The following SYN3 variants were observed in gnomAD, a reference collection of about 807,000 sequenced individuals.
SYN3 encodes the protein synapsin-3.
Under a neutral mutation model 65.8 loss-of-function variants are expected in SYN3, and 35 were observed. The ratio of observed to expected loss-of-function variants is 0.53; its 90% CI spans 0.41 to 0.70. SYN3 has a LOEUF of 0.70. SYN3 is among the 30% of genes least tolerant of loss of function. The probability of loss-of-function intolerance (pLI) is 0.00; values close to 1 mark genes in which losing one functional copy is unlikely to be tolerated. For synonymous variants in SYN3, 270 were observed against 292.9 expected (o/e 0.92, Z 0.80); for missense variants, 680 against 749.0 (o/e 0.91, Z 1.08).
intron 6 of SYN3, among the ~76,000 whole-genome samples, chr22:32,667,705 G>A (rs907983997): frequency 1.3e-4 from 19 of 151,994 alleles, no homozygotes; most frequent in African/African-American, 3.1e-4. Context: ...TCTGCATTTC[G>A]CTTAGGTTTT....
intron 6 of SYN3, among the ~76,000 whole-genome samples, chr22:32,644,099 A>AAAAG (rs1569118841): frequency 4.7e-5 from 1 of 21,274 alleles, no homozygotes; most frequent in African/African-American, 1.8e-4. Context: ...AAAAAAAAAA[A>AAAAG]AAAGCGACAA....
intron 7 of SYN3, among the ~76,000 whole-genome samples, chr22:32,578,701 A>G (rs910005642): frequency 2.6e-5 from 4 of 152,268 alleles, no homozygotes; most frequent in African/African-American, 4.8e-5. Context: ...TGTAAAACTT[A>G]TCTTGGTCAA....
chr22:32,741,351 T>C (rs1056395887), intron 6 of SYN3, among the ~76,000 whole-genome samples: 1 of 136,426 alleles, frequency 7.3e-6, no homozygotes, highest in Non-Finnish European at 1.6e-5. Flanking sequence ...AGCCCAATTT[T>C]TTTTTTTTTT....
In SYN3 at chr22:32,976,451, A is replaced by G. The variant is rs1287911947; in HGVS notation, c.369+4194T>C. Among the ~76,000 whole-genome samples, 7 of 152,202 alleles carry G rather than the reference A, an allele frequency of 4.6e-5. No individual in the cohort carries two copies. The East Asian group carries it at 1.3e-3, about 29-fold the overall frequency. ...TAGAGACTGAGGCTCTACCCTAGCA[A>G]GTCCTAGTCCACTGATGTCCCAGAA... On this transcript the variant is annotated intron_variant, in intron 3 of 13. Coordinates refer to ENST00000358763, the MANE Select transcript of SYN3 (RefSeq NM_003490.4).
chr22:33,025,436 A>G (rs2053626230), intron 1 of SYN3, among the ~76,000 whole-genome samples: 1 of 100,318 alleles, frequency 1.0e-5, no homozygotes, highest in Non-Finnish European at 1.9e-5. Context: ...TCCGTCTCAA[A>G]AAAAAAAAAA....
At chr22:32,902,703 T>C (rs112536121) in intron 4 of SYN3, among the ~76,000 whole-genome samples, 2 of 152,232 alleles carry the variant, frequency 1.3e-5, no homozygotes, top group African/African-American at 4.8e-5. Flanking sequence ...GGCAGGTTCA[T>C]GGGACTAGGT....
intron 6 of SYN3, among the ~76,000 whole-genome samples, chr22:32,754,068 T>G (rs2045221696): frequency 6.6e-6 from 1 of 152,212 alleles, no homozygotes; most frequent in African/African-American, 2.4e-5. Context: ...GGTCCACACC[T>G]CTGGGCCTTT....
chr22:32,642,204 G>A (rs1483674179), intron 6 of SYN3, among the ~76,000 whole-genome samples: 2 of 151,500 alleles, frequency 1.3e-5, no homozygotes, highest in African/African-American at 2.4e-5. Context: ...CAGGAGAATC[G>A]CTTGAACCTG....
In SYN3 at chr22:32,761,025, G is replaced by A. The variant is rs910345603; in HGVS notation, c.711+103890C>T. Among the ~76,000 whole-genome samples, 22 of 152,124 alleles carry A rather than the reference G, an allele frequency of 1.4e-4. 1 individual carries two copies. The highest frequency in any genetic ancestry group is 3.1e-4 in the African/African-American group (13 of 41,422). ...GTTCCCTCTAGCAGGGGGAGCTCCCGGGGTACACGGTGTCCCAGCCAGCTC... is the reference window on the plus strand; with the variant it reads ...GTTCCCTCTAGCAGGGGGAGCTCCCAGGGTACACGGTGTCCCAGCCAGCTC... On this transcript the variant is annotated intron_variant, in intron 6 of 13. Transcript: ENST00000358763.
Position 32,838,260 on chromosome 22 carries a change from G to T in SYN3, c.711+26655C>A, listed in dbSNP as rs1009548347. ...TCAAGTGGACTTGAGGAGAAGGAGGGGGGGTGGCAAAATAAAACAAACAAT... is the reference window on the plus strand; with the variant it reads ...TCAAGTGGACTTGAGGAGAAGGAGGTGGGGTGGCAAAATAAAACAAACAAT... On this transcript the variant is annotated intron_variant, in intron 6 of 13. Coordinates refer to ENST00000358763, the MANE Select transcript of SYN3 (RefSeq NM_003490.4). Among the ~76,000 whole-genome samples the T allele has an allele frequency of 3.9e-4, 59 of 152,300 alleles. 1 individual carries two copies. The highest frequency in any genetic ancestry group is 1.4e-3 in the African/African-American group (57 of 41,558).
At chr22:32,586,289 G>A (rs1172560283) in intron 7 of SYN3, among the ~76,000 whole-genome samples, 3 of 152,138 alleles carry the variant, frequency 2.0e-5, no homozygotes, top group East Asian at 1.9e-4. Context: ...GAAATACAGA[G>A]TTAAGTTCCT....
chr22:32,804,677 G>A (rs1280479841), intron 6 of SYN3, among the ~76,000 whole-genome samples: 1 of 152,152 alleles, frequency 6.6e-6, no homozygotes, highest in Non-Finnish European at 1.5e-5. Context: ...AAGTCCTAGG[G>A]CCTGGCATGG....
intron 7 of SYN3, among the ~76,000 whole-genome samples, chr22:32,596,344 G>C (rs564845229): frequency 2.6e-5 from 4 of 152,192 alleles, no homozygotes; most frequent in African/African-American, 9.6e-5. Context: ...CATGGCTGTG[G>C]AGATGATGAC....
At chr22:32,967,652 G>A (rs911259348) in intron 3 of SYN3, among the ~76,000 whole-genome samples, 1 of 152,230 alleles carries the variant, frequency 6.6e-6, no homozygotes, top group Non-Finnish European at 1.5e-5. Flanking sequence ...CCTGCTGTGA[G>A]TTCAGAAGTC....
intron 6 of SYN3, among the ~76,000 whole-genome samples, chr22:32,759,291 G>A (rs146150565): frequency 2.6e-5 from 4 of 152,054 alleles, no homozygotes; most frequent in African/African-American, 4.8e-5. Context: ...TTAATCTTCC[G>A]GAACTGTCAA....
At chr22:32,977,908 A>C (rs1394568600) in intron 3 of SYN3, among the ~76,000 whole-genome samples, 1 of 152,092 alleles carries the variant, frequency 6.6e-6, no homozygotes, top group African/African-American at 2.4e-5. Context: ...CATAGTCTCC[A>C]CCCTCATGCA....
chr22:32,900,626 A>G (rs2049731692), intron 4 of SYN3, among the ~76,000 whole-genome samples: 1 of 145,316 alleles, frequency 6.9e-6, no homozygotes, highest in Non-Finnish European at 1.6e-5. Context: ...CGGCTTCCCT[A>G]TTAGACTGTA....
At chr22:32,884,326 G>A (rs1348552547) in intron 4 of SYN3, among the ~76,000 whole-genome samples, 2 of 152,164 alleles carry the variant, frequency 1.3e-5, no homozygotes, top group African/African-American at 4.8e-5. Flanking sequence ...CAGACTTTGG[G>A]TTCAAGCCCC....
At chr22:32,916,836 G>A (rs2050199591) in intron 4 of SYN3, among the ~76,000 whole-genome samples, 1 of 152,214 alleles carries the variant, frequency 6.6e-6, no homozygotes, top group Admixed American at 6.5e-5. Context: ...CCCTCAGGAA[G>A]CAGATGGACA....
Sources: allele counts gnomAD v4.1 joint callset (sites outside exome capture counted in the v4.1 genomes callset), GRCh38; gene constraint gnomAD v4.1.1; transcripts MANE v1.5; gene names NCBI Gene and HGNC (gene_info 2026-07-23, HGNC 2026-07-21).